AK5: variants seen among roughly 807,000 people sequenced by gnomAD.
The protein encoded by AK5 is adenylate kinase 5.
Under a neutral mutation model 69.5 loss-of-function variants are expected in AK5, and 27 were observed. That is an observed-to-expected ratio of 0.39 (90% confidence interval 0.29 to 0.54). The LOEUF (loss-of-function observed/expected upper bound fraction) is 0.54. Among genes scored for constraint, AK5 ranks in the 20% least tolerant of loss-of-function variants. AK5 has a pLI of 0.71. For missense variants in AK5, 531 were observed against 700.4 expected (o/e 0.76, Z 2.73); for synonymous variants, 260 against 244.4 (o/e 1.06, Z -0.60).
At chr1:77,546,148 A>G (rs1659534170) in intron 13 of AK5, among the ~76,000 whole-genome samples, 2 of 152,010 alleles carry the variant, frequency 1.3e-5, no homozygotes, top group African/African-American at 2.4e-5. Flanking sequence ...TCCTCCCCAA[A>G]CAGCAAGCAG....
chr1:77,514,650 C>G (rs1657537558), intron 10 of AK5, among the ~76,000 whole-genome samples: 1 of 152,246 alleles, frequency 6.6e-6, no homozygotes, highest in East Asian at 1.9e-4. Context: ...GCAGCTGTTG[C>G]TCCCACGAAA....
intron 8 of AK5, among the ~76,000 whole-genome samples, chr1:77,444,310 CACA>C (rs1652559664): frequency 1.9e-5 from 1 of 51,436 alleles, no homozygotes; most frequent in African/African-American, 9.1e-5. Flanking sequence ...AGTATATATA[CACA>C]ATATATGTGT....
intron 8 of AK5, among the ~76,000 whole-genome samples, chr1:77,479,995 A>G (rs768881146): frequency 2.2e-4 from 33 of 152,228 alleles, no homozygotes; most frequent in Admixed American, 5.2e-4. Context: ...TCCAAGTGAC[A>G]TTCTGAAATT....
chr1:77,357,640 G>T (rs982195778), intron 6 of AK5, among the ~76,000 whole-genome samples: 1 of 152,108 alleles, frequency 6.6e-6, no homozygotes, highest in South Asian at 2.1e-4. Context: ...TATATCTAAG[G>T]TATATCTATT....
At chr1:77,349,012 G>A (rs1662056213) in intron 6 of AK5, among the ~76,000 whole-genome samples, 1 of 151,870 alleles carries the variant, frequency 6.6e-6, no homozygotes, top group Non-Finnish European at 1.5e-5. Context: ...AAAGAGACCT[G>A]GCACTATAGT....
At chr1:77,525,127 T>C (rs534924478) in intron 12 of AK5, among the ~76,000 whole-genome samples, 2 of 152,334 alleles carry the variant, frequency 1.3e-5, no homozygotes, top group East Asian at 1.9e-4. Flanking sequence ...CAGGCTTGTG[T>C]TGAACTCCTG....
intron 6 of AK5, among the ~76,000 whole-genome samples, chr1:77,370,589 G>T (rs2100474134): frequency 6.6e-6 from 1 of 152,264 alleles, no homozygotes; most frequent in Non-Finnish European, 1.5e-5. Flanking sequence ...GATGGATCAG[G>T]ATTCTCAAAG....
intron 8 of AK5, among the ~76,000 whole-genome samples, chr1:77,458,756 G>A (rs181609919): frequency 5.6e-4 from 85 of 152,272 alleles, no homozygotes; most frequent in African/African-American, 2.0e-3. Context: ...GGAATTATGG[G>A]AGCTACAAGA....
In AK5 at chr1:77,367,589, T is replaced by TTATATATATATATGTTATATATATGTAA. The variant is rs374382779; in HGVS notation, c.891+27028_891+27029insATATATGTTATATATATGTAATATATAT. ...TATATATATATATATAATATATATG[T>TTATATATATATATGTTATATATATGTAA]TATATATGTAATATATATGTAATAT... On this transcript the variant is annotated intron_variant, in intron 6 of 13. Transcript: ENST00000354567. Among the ~76,000 whole-genome samples, 38 of 43,578 alleles carry TTATATATATATATGTTATATATATGTAA rather than the reference T, an allele frequency of 8.7e-4. 1 individual carries two copies. Among genetic ancestry groups the TTATATATATATATGTTATATATATGTAA allele is most frequent in the African/African-American group, 2.9e-3 (36 of 12,464 alleles). 28.6% of individuals were successfully genotyped at this position (43,578 alleles called of 152,430 possible).
intron 10 of AK5, among the ~76,000 whole-genome samples, chr1:77,497,207 A>C (rs1458516612): frequency 6.6e-6 from 1 of 152,198 alleles, no homozygotes; most frequent in African/African-American, 2.4e-5. Flanking sequence ...AAGAGCTGTA[A>C]CGCTCACTGC....
chr1:77,341,137 A>C (rs1282113203), intron 6 of AK5, among the ~76,000 whole-genome samples: 1 of 152,166 alleles, frequency 6.6e-6, no homozygotes, highest in Non-Finnish European at 1.5e-5. Context: ...TGTTTTCCTA[A>C]ATTTTTAGTT....
chr1:77,476,124 T>C (rs925948702), intron 8 of AK5, among the ~76,000 whole-genome samples: 1 of 152,184 alleles, frequency 6.6e-6, no homozygotes, highest in African/African-American at 2.4e-5. Context: ...TAGCCTAGCA[T>C]CTACCACATT....
rs902898083 is a variant in AK5 at position 77,282,816 on chromosome 1, G to A, written c.60+443G>A. 12 of 991,222 alleles carry A rather than the reference G, an allele frequency of 1.2e-5. No individual in the cohort carries two copies. In the Admixed American group the frequency reaches 1.8e-4, roughly 15 times the overall value. The allele number at this position is 991,222 out of a possible 1,614,324, so 61.4% of individuals were successfully genotyped here. A position where few individuals can be genotyped will look rare whatever the true frequency, so the allele number is the denominator to read the frequency against. On this transcript the variant is annotated intron_variant, in intron 1 of 13. Transcript: ENST00000354567. ...TGGTCGAGGGTCGGAACCCCTGGGGGAAAGAGGAAATGTGGACGAAGGCAG... is the reference window on the plus strand; with the variant it reads ...TGGTCGAGGGTCGGAACCCCTGGGGAAAAGAGGAAATGTGGACGAAGGCAG...
At chr1:77,353,932 G>A (rs1482786208) in intron 6 of AK5, among the ~76,000 whole-genome samples, 4 of 152,198 alleles carry the variant, frequency 2.6e-5, no homozygotes, top group South Asian at 2.1e-4. Flanking sequence ...ATGATAGGAG[G>A]AAGGATGTAC....
chr1:77,487,242 C>T (rs61784772), intron 10 of AK5, among the ~76,000 whole-genome samples: 6,010 of 152,182 alleles, frequency 0.039, 157 homozygotes, highest in Middle Eastern at 0.085. Flanking sequence ...ATATCTATTA[C>T]ATAGACAAGA....
At chr1:77,481,797 C>T (rs1345980424) in intron 8 of AK5, among the ~76,000 whole-genome samples, 2 of 152,132 alleles carry the variant, frequency 1.3e-5, no homozygotes, top group South Asian at 2.1e-4. Flanking sequence ...TCCCCTCTCT[C>T]GAAATTTAGC....
intron 1 of AK5, 104 bp downstream of exon 1, chr1:77,282,477 G>T: frequency 7.0e-7 from 1 of 1,437,772 alleles, no homozygotes; most frequent in African/African-American, 1.5e-5. Flanking sequence ...CACGGGGCAT[G>T]TAATGAAGGG....
At chr1:77,509,423 T>G (rs1459896252) in intron 10 of AK5, among the ~76,000 whole-genome samples, 1 of 152,190 alleles carries the variant, frequency 6.6e-6, no homozygotes, top group Non-Finnish European at 1.5e-5. Flanking sequence ...TGCTGAAGCT[T>G]GGCACAGTGA....
intron 13 of AK5, among the ~76,000 whole-genome samples, chr1:77,537,899 C>G (rs7551729): frequency 0.68 from 104,112 of 152,042 alleles, 36,276 homozygotes; most frequent in Admixed American, 0.76. Flanking sequence ...GTTTCTCAGT[C>G]AGCAGGTGTG....
Sources: gnomAD v4.1 joint callset for allele counts (sites outside exome capture counted in the v4.1 genomes callset) on GRCh38, gnomAD v4.1.1 for gene constraint, MANE v1.5 for transcripts, NCBI Gene and HGNC (gene_info 2026-07-23, HGNC 2026-07-21) for gene names.